The following TCF7L2 variants were observed in gnomAD, a reference collection of about 807,000 sequenced individuals.
The protein encoded by TCF7L2 is transcription factor 7 like 2, also known as transcription factor 7-like 2.
Under a neutral mutation model 77.9 loss-of-function variants are expected in TCF7L2, and 23 were observed. The ratio of observed to expected loss-of-function variants is 0.30; its 90% CI spans 0.21 to 0.42. The LOEUF is 0.42. Among genes scored for constraint, TCF7L2 ranks in the 10% least tolerant of loss-of-function variants. The probability of loss-of-function intolerance (pLI) is 1.00; values close to 1 mark genes in which losing one functional copy is unlikely to be tolerated. For missense variants in TCF7L2, 654 were observed against 793.1 expected, an observed-to-expected ratio of 0.82 and a Z score of 2.11; for synonymous variants, 413 against 340.2, an observed-to-expected ratio of 1.21 and a Z score of -2.36.
At chr10:112,955,448 T>A (rs1299455196) in intron 3 of TCF7L2, among the ~76,000 whole-genome samples, 1 of 152,192 alleles carries the variant, frequency 6.6e-6, no homozygotes, top group African/African-American at 2.4e-5. Flanking sequence ...TGATTATAAA[T>A]TAAATATGCC....
Position 113,039,890 on chromosome 10 carries a change from T to G in TCF7L2, c.451-135T>G, listed in dbSNP as rs1392290132. ...CTATTGGAATTGCATGCTTTTTTAT[T>G]TTTTTAATGATTATTTGCATGCTTG... is the stretch of plus-strand genomic sequence containing the variant. On this transcript the variant is annotated intron_variant, in intron 4 of 13. Coordinates refer to ENST00000627217, the MANE Select transcript of TCF7L2 (RefSeq NM_001146274.2). The G allele has an allele frequency of 1.1e-5, 8 of 731,002 alleles. No individual in the cohort carries two copies. The Admixed American group carries it at 1.8e-4, about 17-fold the overall frequency. The allele number at this position is 731,002 out of a possible 1,614,324, so 45.3% of individuals were successfully genotyped here.
At chr10:113,148,999 C>G (rs1002149220) in intron 8 of TCF7L2, among the ~76,000 whole-genome samples, 2 of 152,188 alleles carry the variant, frequency 1.3e-5, no homozygotes, top group African/African-American at 2.4e-5. Context: ...TTCTCTCTCC[C>G]CCTCCCTCTC....
At chr10:112,992,116 C>T (rs1330896446) in intron 4 of TCF7L2, among the ~76,000 whole-genome samples, 1 of 152,120 alleles carries the variant, frequency 6.6e-6, no homozygotes, top group Non-Finnish European at 1.5e-5. Context: ...AGACTCCAGG[C>T]GGCCTGTTGG....
rs746992153 is a variant in TCF7L2 at position 112,951,280 on chromosome 10, ACGCCCCGCG to A, written c.256+16_256+24del. The A allele has an allele frequency of 1.4e-5, 20 of 1,402,444 alleles. No homozygotes were observed. Among genetic ancestry groups the A allele is most frequent in the Admixed American group, 2.4e-5 (1 of 41,328 alleles). The allele number at this position is 1,402,444 out of a possible 1,614,324, so 86.9% of individuals were successfully genotyped here. The stretch of plus-strand genomic sequence containing the variant: ...CGGGAAAGTTTGGAAGAAGGTGAGT[ACGCCCCGCG>A]CGCCCCGCAGCCGCCCGGAGCCGCC... On this transcript the variant is annotated splice_region_variant and intron_variant, in intron 2 of 13. Transcript: ENST00000627217.
intron 4 of TCF7L2, among the ~76,000 whole-genome samples, chr10:112,981,572 AT>A (rs1315033934): frequency 6.6e-6 from 1 of 152,100 alleles, no homozygotes; most frequent in Non-Finnish European, 1.5e-5. Flanking sequence ...CCTCTTTGGA[AT>A]TTTTGGTCAA....
chr10:113,039,773 C>T (rs1312583422), intron 4 of TCF7L2, among the ~76,000 whole-genome samples: 1 of 152,152 alleles, frequency 6.6e-6, no homozygotes, highest in South Asian at 2.1e-4. Context: ...TGAAGCTACC[C>T]TGTACTTTGA....
intron 4 of TCF7L2, among the ~76,000 whole-genome samples, 188 bp downstream of exon 4, chr10:112,964,812 T>TGGTGGTGGTGGTGGG (rs1564719427): frequency 2.6e-5 from 1 of 38,282 alleles, no homozygotes; most frequent in Non-Finnish European, 5.1e-5. Context: ...GTGGTGGTGG[T>TGGTGGTGGTGGTGGG]GGGGGGGGGT....
At chr10:113,038,398 C>T (rs1025771023) in intron 4 of TCF7L2, among the ~76,000 whole-genome samples, 6 of 152,134 alleles carry the variant, frequency 3.9e-5, no homozygotes, top group Non-Finnish European at 5.9e-5. Flanking sequence ...ACACCCACCT[C>T]GTATAGATCC....
At chr10:113,090,674 A>C (rs1015789071) in intron 5 of TCF7L2, among the ~76,000 whole-genome samples, 1 of 152,160 alleles carries the variant, frequency 6.6e-6, no homozygotes, top group African/African-American at 2.4e-5. Flanking sequence ...GCAGTGGCGC[A>C]ATCTCAGCTC....
chr10:113,071,579 T>C (rs1171708195), intron 5 of TCF7L2, among the ~76,000 whole-genome samples: 1 of 152,140 alleles, frequency 6.6e-6, no homozygotes, highest in Non-Finnish European at 1.5e-5. Flanking sequence ...GGGAGGAATC[T>C]TTTACCTTTT....
Position 112,951,744 on chromosome 10 carries a change from G to A in TCF7L2, c.381+137G>A, listed in dbSNP as rs866323874. 477 of 288,068 alleles carry A rather than the reference G, an allele frequency of 1.7e-3. 4 individuals are homozygous for A. Among genetic ancestry groups the A allele is most frequent in the African/African-American group, 0.014 (454 of 32,292 alleles). 17.8% of individuals were successfully genotyped at this position (288,068 alleles called of 1,614,324 possible). A position where few individuals can be genotyped will look rare whatever the true frequency, so the allele number is the denominator to read the frequency against. On this transcript the variant is annotated intron_variant, in intron 3 of 13. Coordinates refer to ENST00000627217, the MANE Select transcript of TCF7L2 (RefSeq NM_001146274.2). ...CTCCCCTCCCTCCCTCCCCTCCCCCGCTCGTGGCCCAGGAGGCCCGAAACT... is the reference window on the plus strand; with the variant it reads ...CTCCCCTCCCTCCCTCCCCTCCCCCACTCGTGGCCCAGGAGGCCCGAAACT...
intron 5 of TCF7L2, among the ~76,000 whole-genome samples, chr10:113,092,974 T>A (rs1290742116): frequency 6.6e-6 from 1 of 152,196 alleles, no homozygotes; most frequent in Non-Finnish European, 1.5e-5. Context: ...GGGAACCTCT[T>A]GTGACTGGTC....
intron 4 of TCF7L2, among the ~76,000 whole-genome samples, chr10:112,990,457 A>G (rs2042322545): frequency 6.6e-6 from 1 of 152,182 alleles, no homozygotes; most frequent in Non-Finnish European, 1.5e-5. Context: ...CAGTAATCCC[A>G]GCACTTTGGG....
At chr10:113,120,956 GC>G (rs2064670986) in intron 5 of TCF7L2, among the ~76,000 whole-genome samples, 1 of 152,182 alleles carries the variant, frequency 6.6e-6, no homozygotes, top group Admixed American at 6.5e-5. Flanking sequence ...AAATCAGGAT[GC>G]TTCTTGTTGA....
chr10:113,016,197 TG>T lies in TCF7L2; in HGVS notation c.451-23825del, dbSNP rs2047316745. ...CTCCTGCCTTAGCCTCCTGAGTAGC[TG>T]GGATTACAGGCACGTGCTACCATGC... is the stretch of plus-strand genomic sequence containing the variant. On this transcript the variant is annotated intron_variant, in intron 4 of 13. Transcript: ENST00000627217. 2.0e-5 allele frequency among the ~76,000 whole-genome samples: 3 copies of T among 152,018 alleles called. No individual in the cohort carries two copies. The South Asian group carries it at 6.2e-4, about 32-fold the overall frequency.
intron 5 of TCF7L2, among the ~76,000 whole-genome samples, chr10:113,131,331 TAA>T (rs895875329): frequency 2.6e-5 from 4 of 152,202 alleles, no homozygotes; most frequent in African/African-American, 9.7e-5. Context: ...GAGCGTAAAA[TAA>T]TGATGGGTGT....
chr10:112,953,311 C>A (rs1386091035), intron 3 of TCF7L2, among the ~76,000 whole-genome samples: 1 of 152,160 alleles, frequency 6.6e-6, no homozygotes, highest in Non-Finnish European at 1.5e-5. Context: ...GGCTCAACCC[C>A]CTTCTCCAGG....
chr10:113,115,053 G>GAAGA (rs2063555542), intron 5 of TCF7L2, among the ~76,000 whole-genome samples: 1 of 152,216 alleles, frequency 6.6e-6, no homozygotes, highest in African/African-American at 2.4e-5. Context: ...AACAGCTGAG[G>GAAGA]AAGAGCGTTG....
chr10:112,952,638 G>A (rs2032133215), intron 3 of TCF7L2, among the ~76,000 whole-genome samples: 1 of 152,210 alleles, frequency 6.6e-6, no homozygotes, highest in African/African-American at 2.4e-5. Context: ...GGGTGTGCGG[G>A]CTCAAGGAGG....
Sources: allele counts gnomAD v4.1 joint callset (sites outside exome capture counted in the v4.1 genomes callset), GRCh38; gene constraint gnomAD v4.1.1; transcripts MANE v1.5; gene names NCBI Gene and HGNC (gene_info 2026-07-23, HGNC 2026-07-21).